CAST: variants seen among roughly 807,000 people sequenced by gnomAD.
The protein encoded by CAST is calpastatin, also known as MIR583 host.
CAST carries 76 observed loss-of-function variants against 119.6 expected under a neutral mutation model. The ratio of observed to expected loss-of-function variants is 0.64; its 90% CI spans 0.53 to 0.77. CAST has a LOEUF of 0.77. CAST is among the 30% of genes least tolerant of loss of function. The pLI is 0.00. For missense variants in CAST, 953 were observed against 946.5 expected, an observed-to-expected ratio of 1.01 and a Z score of -0.09; for synonymous variants, 319 against 331.6, an observed-to-expected ratio of 0.96 and a Z score of 0.41.
At chr5:96,354,218 C>T in the CAST span, among the ~76,000 whole-genome samples, 5 of 152,160 alleles carry the variant, frequency 3.3e-5, no homozygotes, top group African/African-American at 9.7e-5. Flanking sequence ...ATCTTATCCT[C>T]CTAGTGATTC....
At chr5:96,506,789 G>A in the CAST span, among the ~76,000 whole-genome samples, 5 of 152,178 alleles carry the variant, frequency 3.3e-5, no homozygotes, top group Non-Finnish European at 7.4e-5. Context: ...ATACGTCTAA[G>A]AACAAGGCTG....
the CAST span, among the ~76,000 whole-genome samples, chr5:96,069,673 T>C: frequency 7.0e-6 from 1 of 143,772 alleles, no homozygotes; most frequent in South Asian, 2.3e-4. Flanking sequence ...TTTTTTTTTT[T>C]TTTTTTTGTA....
the CAST span, chr5:95,961,779 C>T: frequency 6.6e-7 from 1 of 1,509,786 alleles, no homozygotes; most frequent in Non-Finnish European, 8.8e-7. Context: ...TCCACTGCGG[C>T]CGCGGCTGCT....
At chr5:96,299,280 AACAACAACAAC>A in the CAST span, among the ~76,000 whole-genome samples, 4 of 141,260 alleles carry the variant, frequency 2.8e-5, no homozygotes, top group Non-Finnish European at 4.7e-5. Flanking sequence ...CAACAACAAC[AACAACAACAAC>A]AAACAAACAA....
the CAST span, among the ~76,000 whole-genome samples, chr5:96,143,260 C>T: frequency 6.6e-6 from 1 of 152,180 alleles, no homozygotes; most frequent in Non-Finnish European, 1.5e-5. Flanking sequence ...CTTGTAAAAA[C>T]AGGAACTCTC....
chr5:96,644,734 G>C (rs1277764819), intron 1 of CAST, among the ~76,000 whole-genome samples: 1 of 152,188 alleles, frequency 6.6e-6, no homozygotes, highest in Admixed American at 6.5e-5. Flanking sequence ...CAGCACTTTG[G>C]GAGGGTGAGG....
chr5:96,436,554 CAATG>C, the CAST span, among the ~76,000 whole-genome samples: 1 of 152,056 alleles, frequency 6.6e-6, no homozygotes, highest in Non-Finnish European at 1.5e-5. Context: ...TAGCTGCTGT[CAATG>C]AAACTTTTTT....
chr5:96,235,041 A>C, the CAST span, among the ~76,000 whole-genome samples: 1 of 152,212 alleles, frequency 6.6e-6, no homozygotes, highest in Non-Finnish European at 1.5e-5. Flanking sequence ...GGCAAATGGA[A>C]AAAATAGATT....
chr5:96,582,154 T>C (rs540316028), intron 1 of CAST, among the ~76,000 whole-genome samples: 7 of 152,246 alleles, frequency 4.6e-5, no homozygotes, highest in African/African-American at 1.7e-4. Flanking sequence ...CTAAAACATA[T>C]GTCTACAAAT....
chr5:96,325,378 C>CT, the CAST span, among the ~76,000 whole-genome samples: 1 of 149,954 alleles, frequency 6.7e-6, no homozygotes, highest in Non-Finnish European at 1.5e-5. Flanking sequence ...TCTTTTCTTT[C>CT]TTCTTTCTTT....
chr5:96,662,806 A>G (rs539529441), intron 1 of CAST, among the ~76,000 whole-genome samples: 1 of 152,108 alleles, frequency 6.6e-6, no homozygotes, highest in East Asian at 1.9e-4. Flanking sequence ...AATGAGGTTC[A>G]CTCAGGACCC....
chr5:96,150,049 T>G, the CAST span, among the ~76,000 whole-genome samples: 1 of 152,178 alleles, frequency 6.6e-6, no homozygotes, highest in African/African-American at 2.4e-5. Context: ...AAATACCCAC[T>G]GGGAGTTTAT....
At chr5:96,547,221 A>G (rs1391354084) in intron 1 of CAST, among the ~76,000 whole-genome samples, 1 of 152,184 alleles carries the variant, frequency 6.6e-6, no homozygotes, top group Admixed American at 6.5e-5. Flanking sequence ...ATGGGTCCCA[A>G]AAAGTCCCAT....
At position 96,675,572 on chromosome 5, in the gene CAST, A is replaced by C; in HGVS notation, c.109A>C (p.Lys37Gln). ...VSEKTSESPS[K>Q]PGEKKGSDEK... Reference sequence around the variant, plus strand: ...TGAAAAAACCAGTGAATCGCCTTCCAAACCAGGAGAAAAGAAAGGATCAGA... The same window carrying C: ...TGAAAAAACCAGTGAATCGCCTTCCCAACCAGGAGAAAAGAAAGGATCAGA... The change falls in exon 2 of 32, where the codon AAA becomes CAA. Residue 37 changes from lysine (K) to glutamine (Q), a missense_variant. Physicochemically the swap from Lys to Gln is moderately conservative, Grantham distance 53. Coordinates refer to ENST00000675179, the MANE Select transcript of CAST (RefSeq NM_001750.7). 1.2e-6 allele frequency: 2 copies of C among 1,613,646 alleles called. No individual in the cohort carries two copies. The highest frequency in any genetic ancestry group is 1.7e-6 in the Non-Finnish European group (2 of 1,179,526).
At chr5:96,528,333 C>A (rs1474790134), upstream of CAST, among the ~76,000 whole-genome samples, 1 of 152,130 alleles carries the variant, frequency 6.6e-6, no homozygotes, top group Non-Finnish European at 1.5e-5. Context: ...AGAATCAGAT[C>A]CAATTAATTA....
chr5:96,181,582 G>A, the CAST span, among the ~76,000 whole-genome samples: 1 of 152,196 alleles, frequency 6.6e-6, no homozygotes, highest in Non-Finnish European at 1.5e-5. Flanking sequence ...GACAACCGAG[G>A]TGCAGATAAA....
the CAST span, among the ~76,000 whole-genome samples, chr5:96,478,860 T>A: frequency 6.6e-6 from 1 of 152,200 alleles, no homozygotes; most frequent in Non-Finnish European, 1.5e-5. Flanking sequence ...ATCTATATAA[T>A]TAAAAACTAG....
intron 1 of CAST, among the ~76,000 whole-genome samples, chr5:96,610,514 T>C (rs1747341555): frequency 6.6e-6 from 1 of 152,142 alleles, no homozygotes; most frequent in Non-Finnish European, 1.5e-5. Context: ...CAAAGGAACA[T>C]ACCTCAAAAT....
At chr5:96,770,119 T>A (rs902804361) in intron 29 of CAST, 2 of 167,336 alleles carry the variant, frequency 1.2e-5, no homozygotes, top group African/African-American at 4.8e-5. Context: ...AGTTCTACTT[T>A]TAATTTCTTT....
Sources: gnomAD v4.1 joint callset for allele counts (sites outside exome capture counted in the v4.1 genomes callset) on GRCh38, gnomAD v4.1.1 for gene constraint, MANE v1.5 for transcripts, NCBI Gene and HGNC (gene_info 2026-07-23, HGNC 2026-07-21) for gene names.